The following CDH23 variants were observed in gnomAD, a reference collection of about 807,000 sequenced individuals.
CDH23 encodes cadherin-23.
A neutral mutation model predicts 317.1 loss-of-function variants in CDH23; 189 were observed. That is an observed-to-expected ratio of 0.60 (90% CI 0.53 to 0.67). The LOEUF is 0.67. Ranked by LOEUF, CDH23 falls within the 30% of genes least tolerant of loss-of-function variation. The probability of loss-of-function intolerance (pLI) is 0.00; values close to 1 mark genes in which losing one functional copy is unlikely to be tolerated. For missense variants in CDH23, 4,401 were observed against 4,592.4 expected (o/e 0.96, Z 1.20); for synonymous variants, 1,839 against 1,876.8 (o/e 0.98, Z 0.52).
At chr10:71,759,820 T>TATACACACACAC (rs1554868422) in intron 38 of CDH23, among the ~76,000 whole-genome samples, 1 of 85,276 alleles carries the variant, frequency 1.2e-5, no homozygotes, top group African/African-American at 4.1e-5. Flanking sequence ...TCAGAAAATA[T>TATACACACACAC]ACACACACAC....
chr10:71,429,310 TG>T, intron 1 of CDH23, among the ~76,000 whole-genome samples: 1 of 152,294 alleles, frequency 6.6e-6, no homozygotes, highest in East Asian at 1.9e-4. Context: ...CTCATTCTTC[TG>T]GGGCCAGGGG....
At chr10:71,654,419 G>A (rs1285515355) in intron 14 of CDH23, among the ~76,000 whole-genome samples, 1 of 152,192 alleles carries the variant, frequency 6.6e-6, no homozygotes, top group Non-Finnish European at 1.5e-5. Context: ...CTGAAGTGCT[G>A]GGGCCTTCTG....
At chr10:71,775,190 G>A (rs1340970244) in intron 38 of CDH23, among the ~76,000 whole-genome samples, 1 of 152,142 alleles carries the variant, frequency 6.6e-6, no homozygotes, top group East Asian at 1.9e-4. Context: ...ACTGAGATCA[G>A]GTGGACACCG....
chr10:71,750,923 TGTCTC>T, intron 38 of CDH23: 1 of 270,018 alleles, frequency 3.7e-6, no homozygotes, highest in Non-Finnish European at 7.0e-6. Context: ...CCAAGGCTCA[TGTCTC>T]AGAACGAGAG....
chr10:71,667,009 T>G (rs944114510), intron 14 of CDH23, among the ~76,000 whole-genome samples: 10 of 152,390 alleles, frequency 6.6e-5, no homozygotes, highest in Non-Finnish European at 7.3e-5. Flanking sequence ...TGCTATTGTT[T>G]CCTGAACAAA....
intron 8 of CDH23, among the ~76,000 whole-genome samples, chr10:71,576,823 G>A (rs1858239144): frequency 6.6e-6 from 1 of 152,190 alleles, no homozygotes; most frequent in South Asian, 2.1e-4. Context: ...AGGTTTAAGG[G>A]CTCTGTGAAG....
chr10:71,427,595 A>G (rs1849162964), intron 1 of CDH23, among the ~76,000 whole-genome samples: 1 of 152,074 alleles, frequency 6.6e-6, no homozygotes, highest in African/African-American at 2.4e-5. Context: ...TTTGGCTATT[A>G]TGAATAATGA....
In CDH23 at chr10:71,510,153, G is replaced by A; in HGVS notation, c.217G>A (p.Glu73Lys). The change falls in exon 4 of 70, where the codon GAG becomes AAG. Residue 73 changes from glutamate (E) to lysine (K), a missense_variant. Physicochemically the swap from Glu to Lys is moderately conservative, Grantham distance 56. This residue lies in a region of CDH23 where 3,068 missense variants were observed against 3,203.3 expected (regional missense o/e 0.96). Transcript: ENST00000224721. ...CCTGGTGTTTGGCGTGTCTGGGGAG[G>A]AGGCCTCTCGCTTCTTTGCAGTGGA... ...DPLVFGVSGEEASRFFAVEPD... is the reference protein window; with the variant it reads ...DPLVFGVSGEKASRFFAVEPD... 1 of 1,614,004 alleles carries A rather than the reference G, an allele frequency of 6.2e-7. No homozygotes were observed. The highest frequency in any genetic ancestry group is 1.1e-5 in the South Asian group (1 of 91,082).
intron 3 of CDH23, among the ~76,000 whole-genome samples, chr10:71,490,807 T>G (rs948891943): frequency 1.3e-5 from 2 of 152,232 alleles, no homozygotes; most frequent in Admixed American, 6.5e-5. Flanking sequence ...ACTGTTATTA[T>G]TCCCATTTTA....
At chr10:71,616,490 C>A (rs577479532) in intron 10 of CDH23, among the ~76,000 whole-genome samples, 1 of 152,378 alleles carries the variant, frequency 6.6e-6, no homozygotes, top group East Asian at 1.9e-4. Context: ...CCAGAGAGAG[C>A]TGCCCCCTGG....
At chr10:71,457,165 C>A (rs1850736643) in intron 3 of CDH23, among the ~76,000 whole-genome samples, 1 of 152,134 alleles carries the variant, frequency 6.6e-6, no homozygotes, top group Non-Finnish European at 1.5e-5. Context: ...GGAGGGGAGG[C>A]ATTTCACAAG....
At chr10:71,611,037 G>A (rs1450739110) in intron 9 of CDH23, among the ~76,000 whole-genome samples, 2 of 151,840 alleles carry the variant, frequency 1.3e-5, no homozygotes, top group Non-Finnish European at 2.9e-5. Flanking sequence ...GGGCTGAACA[G>A]ATGAAAGGCT....
In CDH23 at chr10:71,790,282, G is replaced by A; in HGVS notation, c.5924-6G>A. 1 of 1,613,494 alleles carries A rather than the reference G, an allele frequency of 6.2e-7. No individual in the cohort carries two copies. The highest frequency in any genetic ancestry group is 1.7e-4 in the Middle Eastern group (1 of 6,058). On this transcript the variant is annotated splice_region_variant and splice_polypyrimidine_tract_variant and intron_variant, in intron 45 of 69. Transcript: ENST00000224721. ...TCTTGTGGTGACCCCTCTCCTTCTGGCCCAGGCACCCCTCTCACGGTGCTC... is the reference window on the plus strand; with the variant it reads ...TCTTGTGGTGACCCCTCTCCTTCTGACCCAGGCACCCCTCTCACGGTGCTC...
chr10:71,708,145 C>T (rs956732673), intron 26 of CDH23, among the ~76,000 whole-genome samples: 2 of 152,134 alleles, frequency 1.3e-5, no homozygotes, highest in Non-Finnish European at 2.9e-5. Flanking sequence ...GAGTGTGTCC[C>T]TTGCAGATGG....
At chr10:71,481,983 G>A (rs973832834) in intron 3 of CDH23, among the ~76,000 whole-genome samples, 3 of 152,144 alleles carry the variant, frequency 2.0e-5, no homozygotes, top group African/African-American at 7.2e-5. Context: ...GGGGGGAGTC[G>A]GGGCTGGCGT....
Position 71,712,796 on chromosome 10 carries a change from G to A in CDH23, c.3352G>A (p.Gly1118Ser), listed in dbSNP as rs562052236. ...CAGCGTCCCTGAGGACATCCCTGAA[G>A]GCCACAGCATCTTGCAGGCAGGTGG... ...EASVPEDIPE[G>S]HSILQLKATD... Residue 1118 changes from glycine (G) to serine (S), a missense_variant, in exon 28 of 70, where the codon GGC (glycine) becomes AGC (serine). By Grantham distance (56) the Gly-to-Ser change is moderately conservative. Around this residue, in one of 3 missense-constraint regions of CDH23, gnomAD observed 3,068 missense variants for 3,203.3 expected, o/e 0.96. Transcript: ENST00000224721. The A allele has an allele frequency of 1.5e-4, 236 of 1,612,548 alleles. 1 individual carries two copies. In the East Asian group the frequency reaches 5.1e-3, roughly 35 times the overall value.
intron 3 of CDH23, among the ~76,000 whole-genome samples, chr10:71,471,357 T>G (rs1381890694): frequency 2.0e-5 from 3 of 152,214 alleles, no homozygotes; most frequent in African/African-American, 7.2e-5. Context: ...TGCAGGTCAC[T>G]CACGACCTGG....
chr10:71,793,559 A>G lies in CDH23; in HGVS notation c.6631A>G (p.Ile2211Val), dbSNP rs371363040. 2 of 1,612,972 alleles carry G rather than the reference A, an allele frequency of 1.2e-6. No individual in the cohort carries two copies. Among genetic ancestry groups the G allele is most frequent in the Non-Finnish European group, 1.7e-6 (2 of 1,179,404 alleles). ...CCTCAACCCAAAGCTAGAGTACCAC[A>G]TTGTCGGCATTGTGGCCAAGGACGA... ...HDLNPKLEYH[I>V]VGIVAKDDTD... The change falls in exon 48 of 70, where the codon ATT (isoleucine) becomes GTT (valine). Residue 2211 changes from isoleucine to valine, a missense_variant. Around this residue, in one of 3 missense-constraint regions of CDH23, gnomAD observed 3,068 missense variants for 3,203.3 expected, o/e 0.96. Transcript: ENST00000224721.
At chr10:71,645,622 AGAG>A in intron 12 of CDH23, 1 of 750,972 alleles carries the variant, frequency 1.3e-6, no homozygotes, top group Non-Finnish European at 2.4e-6. Context: ...AAAGAGAGCC[AGAG>A]GAGGTTTCCA....
Sources: gnomAD v4.1 joint callset for allele counts (sites outside exome capture counted in the v4.1 genomes callset) on GRCh38, gnomAD v4.1.1 for gene constraint, gnomAD v4.1.1 regional missense constraint, MANE v1.5 for transcripts, NCBI Gene and HGNC (gene_info 2026-07-23, HGNC 2026-07-21) for gene names.